Variants in GLIPR1L1 observed in about 807,000 individuals in gnomAD.
The protein encoded by GLIPR1L1 is GLIPR1-like protein 1.
In GLIPR1L1, 26 loss-of-function variants were observed where a neutral mutation model predicts 29.9. The ratio of observed to expected loss-of-function variants is 0.87; its 90% CI spans 0.64 to 1.21. GLIPR1L1 has a LOEUF of 1.21. Among genes scored for constraint, GLIPR1L1 ranks in the 50% most tolerant of loss-of-function variants. GLIPR1L1 has a pLI of 0.00. For missense variants in GLIPR1L1, 305 were observed against 290.3 expected (o/e 1.05, Z -0.37); for synonymous variants, 77 against 97.5 (o/e 0.79, Z 1.24).
intron 4 of GLIPR1L1, among the ~76,000 whole-genome samples, chr12:75,367,959 G>A (rs1174840597): frequency 6.6e-6 from 1 of 151,952 alleles, no homozygotes; most frequent in African/African-American, 2.4e-5. Flanking sequence ...GGTTATAAAA[G>A]TTTTCTCTTT....
intron 2 of GLIPR1L1, among the ~76,000 whole-genome samples, chr12:75,345,617 C>G (rs1050142148): frequency 4.6e-5 from 7 of 152,106 alleles, no homozygotes; most frequent in Admixed American, 4.6e-4. Flanking sequence ...ACAGGTTGTT[C>G]TAAGTCTAGA....
chr12:75,363,953 T>C (rs1023510271), intron 4 of GLIPR1L1, among the ~76,000 whole-genome samples: 4 of 152,174 alleles, frequency 2.6e-5, no homozygotes, highest in Admixed American at 6.6e-5. Flanking sequence ...GATTCAAAGA[T>C]GTTCTGATTG....
Position 75,370,145 on chromosome 12 carries a change from G to T in GLIPR1L1, c.698G>T (p.Ser233Ile). 6.3e-7 allele frequency: 1 copy of T among 1,598,490 alleles called. No homozygotes were observed. The highest frequency in any genetic ancestry group is 8.6e-7 in the Non-Finnish European group (1 of 1,167,856). The change falls in exon 6 of 6, where the codon AGC becomes ATC. Residue 233 changes from serine to isoleucine, a missense_variant. Coordinates refer to ENST00000378695, the MANE Select transcript of GLIPR1L1 (RefSeq NM_001304964.2). ...CAGCAGACAGCCTTTAATCCATTCA[G>T]CTTAGGTTTTCTTCTTCTGAGAATC... ...APQQTAFNPF[S>I]LGFLLLRIF
At chr12:75,348,880 A>G (rs983958421) in intron 3 of GLIPR1L1, among the ~76,000 whole-genome samples, 1 of 152,194 alleles carries the variant, frequency 6.6e-6, no homozygotes, top group African/African-American at 2.4e-5. Context: ...TCTGAAAAAT[A>G]ACAACAAAAA....
At chr12:75,364,017 T>C (rs953567512) in intron 4 of GLIPR1L1, among the ~76,000 whole-genome samples, 23 of 152,190 alleles carry the variant, frequency 1.5e-4, no homozygotes, top group Non-Finnish European at 2.8e-4. Flanking sequence ...TAGAAAGGAA[T>C]ACCTCGGTTA....
chr12:75,370,103 C>A lies in GLIPR1L1; in HGVS notation c.656C>A (p.Pro219Gln). The change falls in exon 6 of 6, where the codon CCA becomes CAA. Residue 219 changes from proline to glutamine, a missense_variant. Transcript: ENST00000378695. The part of the protein sequence containing the change: ...IIPNQNPFLK[P>Q]TGRAPQQTAF... ...TTGACAGAAAATCCATTTCTGAAGC[C>A]AACGGGGAGAGCACCTCAGCAGACA... 6.2e-7 allele frequency: 1 copy of A among 1,605,674 alleles called. No individual in the cohort carries two copies. Among genetic ancestry groups the A allele is most frequent in the African/African-American group, 1.3e-5 (1 of 74,892 alleles).
intron 1 of GLIPR1L1, among the ~76,000 whole-genome samples, chr12:75,341,679 C>T (rs1239575049): frequency 6.6e-6 from 1 of 151,442 alleles, no homozygotes; most frequent in African/African-American, 2.4e-5. Flanking sequence ...ATCTCCTGAT[C>T]TCGTGATCCG....
In GLIPR1L1 at chr12:75,363,097, T is replaced by A. The variant is rs751520198; in HGVS notation, c.522-5T>A. On this transcript the variant is annotated splice_polypyrimidine_tract_variant and splice_region_variant and intron_variant, in intron 3 of 5. Coordinates refer to ENST00000378695, the MANE Select transcript of GLIPR1L1 (RefSeq NM_001304964.2). ...TTGGCTAATCAATGTTTCTCTTTTT[T>A]ACAGAGGAAATTTTGCAAATATGCC... 1 of 1,513,454 alleles carries A rather than the reference T, an allele frequency of 6.6e-7. No individual in the cohort carries two copies. Among genetic ancestry groups the A allele is most frequent in the South Asian group, 1.3e-5 (1 of 77,766 alleles). The allele number at this position is 1,513,454 out of a possible 1,614,324, so 93.8% of individuals were successfully genotyped here.
At chr12:75,359,428 T>C (rs2043413926) in intron 3 of GLIPR1L1, among the ~76,000 whole-genome samples, 1 of 130,244 alleles carries the variant, frequency 7.7e-6, no homozygotes, top group Admixed American at 9.4e-5. Flanking sequence ...CCAGTAAAAA[T>C]TCCACCAGGA....
chr12:75,339,765 T>A (rs1005227945), intron 1 of GLIPR1L1, among the ~76,000 whole-genome samples: 1 of 152,142 alleles, frequency 6.6e-6, no homozygotes, highest in African/African-American at 2.4e-5. Context: ...AATTTTTGGA[T>A]AAGGTGTAAG....
At chr12:75,340,991 T>C (rs2042064069) in intron 1 of GLIPR1L1, among the ~76,000 whole-genome samples, 1 of 151,570 alleles carries the variant, frequency 6.6e-6, no homozygotes, top group East Asian at 1.9e-4. Context: ...GAATGCAAAA[T>C]GGTATAGCCA....
In GLIPR1L1 at chr12:75,347,736, T is replaced by C. The variant is rs1445400819; in HGVS notation, c.521+14T>C. 8.6e-6 allele frequency: 13 copies of C among 1,515,828 alleles called. No individual in the cohort carries two copies. In the African/African-American group the frequency reaches 1.4e-4, roughly 16 times the overall value. The allele number at this position is 1,515,828 out of a possible 1,614,324, so 93.9% of individuals were successfully genotyped here. On this transcript the variant is annotated intron_variant, in intron 3 of 5. Transcript: ENST00000378695. ...CTACGGACCTGCGTGAGTTATTTTC[T>C]CTTAAAAATATTTTAATTGAAATTA...
In GLIPR1L1 at chr12:75,352,369, C is replaced by A. The variant is rs541818344; in HGVS notation, c.521+4647C>A. Among the ~76,000 whole-genome samples, 9 of 152,232 alleles carry A rather than the reference C, an allele frequency of 5.9e-5. No homozygotes were observed. In the East Asian group the frequency reaches 1.7e-3, roughly 29 times the overall value. On this transcript the variant is annotated intron_variant, in intron 3 of 5. Coordinates refer to ENST00000378695, the MANE Select transcript of GLIPR1L1 (RefSeq NM_001304964.2). ...GTTGAAATCCTAGTTTCTGATAAAA[C>A]AAACTTTAAACCAACAAAGATCAAA...
intron 3 of GLIPR1L1, among the ~76,000 whole-genome samples, chr12:75,357,129 G>A (rs1353348711): frequency 6.6e-6 from 1 of 152,266 alleles, no homozygotes; most frequent in Non-Finnish European, 1.5e-5. Flanking sequence ...TTTTGCAGCT[G>A]CAGTGAACTA....
chr12:75,334,978 T>G, intron 1 of GLIPR1L1, 76 bp downstream of exon 1: 2 of 1,358,470 alleles, frequency 1.5e-6, no homozygotes, highest in Non-Finnish European at 2.0e-6. Flanking sequence ...TTCACGGACT[T>G]AACTTGTACT....
chr12:75,340,173 C>G (rs951335933), intron 1 of GLIPR1L1, among the ~76,000 whole-genome samples: 1 of 149,848 alleles, frequency 6.7e-6, no homozygotes, highest in Non-Finnish European at 1.5e-5. Context: ...TATATATATA[C>G]ATACCACATT....
Position 75,334,723 on chromosome 12 carries a change from C to A in GLIPR1L1, c.-6C>A, listed in dbSNP as rs369697893. 21 of 1,611,566 alleles carry A rather than the reference C, an allele frequency of 1.3e-5. No homozygotes were observed. In the African/African-American group the frequency reaches 1.7e-4, roughly 13 times the overall value. On this transcript the variant is annotated 5_prime_UTR_variant, in exon 1 of 6. Coordinates refer to ENST00000378695, the MANE Select transcript of GLIPR1L1 (RefSeq NM_001304964.2). Reference sequence around the variant, plus strand: ...AGGGCATCCTCCGCATCCTCCACATCCTTCCATGGCTCTGAAGAATAAATT... The same window carrying A: ...AGGGCATCCTCCGCATCCTCCACATACTTCCATGGCTCTGAAGAATAAATT...
chr12:75,338,244 T>C (rs1282112760), intron 1 of GLIPR1L1, among the ~76,000 whole-genome samples: 1 of 152,164 alleles, frequency 6.6e-6, no homozygotes, highest in Non-Finnish European at 1.5e-5. Flanking sequence ...AAGAATATTA[T>C]ATCATGGGAT....
At chr12:75,367,484 A>G (rs1480937750) in intron 4 of GLIPR1L1, among the ~76,000 whole-genome samples, 1 of 151,952 alleles carries the variant, frequency 6.6e-6, no homozygotes, top group Non-Finnish European at 1.5e-5. Context: ...ACAGGGTCAG[A>G]GTCATCAATA....
Sources: gnomAD v4.1 joint callset for allele counts (sites outside exome capture counted in the v4.1 genomes callset) on GRCh38, gnomAD v4.1.1 for gene constraint, MANE v1.5 for transcripts, NCBI Gene and HGNC (gene_info 2026-07-23, HGNC 2026-07-21) for gene names.